Variants in UBE2H observed in about 807,000 individuals in gnomAD.
UBE2H encodes ubiquitin-conjugating enzyme E2 H.
In UBE2H, 3 loss-of-function variants were observed where a neutral mutation model predicts 29.0. That is an observed-to-expected ratio of 0.10 (90% CI 0.05 to 0.27). UBE2H has a LOEUF of 0.27. UBE2H is among the 10% of genes least tolerant of loss of function. The pLI is 1.00. For synonymous variants in UBE2H, 69 were observed against 82.9 expected (o/e 0.83, Z 0.91); for missense variants, 68 against 228.2 (o/e 0.30, Z 4.52).
At chr7:129,843,778 A>G (rs1284561199) in intron 5 of UBE2H, among the ~76,000 whole-genome samples, 2 of 152,132 alleles carry the variant, frequency 1.3e-5, no homozygotes, top group Non-Finnish European at 2.9e-5. Flanking sequence ...ACACCTGCAC[A>G]CAGCGAACGG....
intron 1 of UBE2H, chr7:129,949,190 C>T: frequency 3.0e-6 from 1 of 331,206 alleles, no homozygotes; most frequent in South Asian, 2.3e-5. Context: ...GTAATCTGAG[C>T]TGTTTGTTCC....
intron 1 of UBE2H, among the ~76,000 whole-genome samples, chr7:129,907,217 C>A (rs1806836457): frequency 6.6e-6 from 1 of 151,962 alleles, no homozygotes; most frequent in African/African-American, 2.4e-5. Context: ...TGGGTAAGAT[C>A]AAATGACTCC....
intron 1 of UBE2H, among the ~76,000 whole-genome samples, chr7:129,945,259 T>G (rs1807739912): frequency 6.6e-6 from 1 of 152,222 alleles, no homozygotes; most frequent in Admixed American, 6.5e-5. Flanking sequence ...GTTAACTGTA[T>G]GTCAATTATA....
chr7:129,867,400 G>A (rs528056005), intron 3 of UBE2H, among the ~76,000 whole-genome samples: 39 of 140,634 alleles, frequency 2.8e-4, no homozygotes, highest in Middle Eastern at 3.5e-3. Flanking sequence ...TCCTTTGTAG[G>A]GACATGGATG....
chr7:129,849,061 TAA>T (rs1805562489), intron 5 of UBE2H, among the ~76,000 whole-genome samples: 2 of 152,020 alleles, frequency 1.3e-5, no homozygotes, highest in African/African-American at 4.8e-5. Flanking sequence ...CTGTAAACAT[TAA>T]AAGACAGTGA....
intron 1 of UBE2H, among the ~76,000 whole-genome samples, chr7:129,925,076 A>T (rs1274582415): frequency 6.6e-6 from 1 of 152,176 alleles, no homozygotes; most frequent in Non-Finnish European, 1.5e-5. Context: ...ATGGCCAGGC[A>T]CGGTGGTTCA....
intron 1 of UBE2H, among the ~76,000 whole-genome samples, chr7:129,893,878 G>T (rs530244697): frequency 6.6e-6 from 1 of 152,194 alleles, no homozygotes; most frequent in Non-Finnish European, 1.5e-5. Flanking sequence ...CTACTTTTGG[G>T]CCTGGCACAG....
intron 1 of UBE2H, among the ~76,000 whole-genome samples, chr7:129,932,878 A>G (rs1441672920): frequency 1.3e-5 from 2 of 151,900 alleles, no homozygotes; most frequent in Non-Finnish European, 2.9e-5. Context: ...ATTACTATGA[A>G]AAGTTCTGAC....
chr7:129,879,511 AT>A, intron 3 of UBE2H, 56 bp downstream of exon 3: 1 of 1,512,264 alleles, frequency 6.6e-7, no homozygotes, highest in Non-Finnish European at 9.1e-7. Flanking sequence ...GAAATGTAAG[AT>A]TTTTCCCCCT....
At chr7:129,912,930 A>G (rs571671749) in intron 1 of UBE2H, among the ~76,000 whole-genome samples, 49 of 152,322 alleles carry the variant, frequency 3.2e-4, no homozygotes, top group African/African-American at 1.0e-3. Flanking sequence ...ATTTCCAATA[A>G]AAGTCAAGGT....
chr7:129,893,204 AT>A (rs1331366763), intron 1 of UBE2H, among the ~76,000 whole-genome samples: 16 of 152,138 alleles, frequency 1.1e-4, no homozygotes, highest in Non-Finnish European at 7.4e-5. Context: ...AGGAGAGGAA[AT>A]TTTTCTTCTC....
chr7:129,936,343 C>T (rs553635932), intron 1 of UBE2H, among the ~76,000 whole-genome samples: 169 of 152,230 alleles, frequency 1.1e-3, no homozygotes, highest in African/African-American at 3.8e-3. Context: ...GCCTGTAATC[C>T]CAGTACTTTG....
At chr7:129,904,869 T>C (rs1806784348) in intron 1 of UBE2H, among the ~76,000 whole-genome samples, 1 of 152,184 alleles carries the variant, frequency 6.6e-6, no homozygotes, top group African/African-American at 2.4e-5. Context: ...AGAGGCACAC[T>C]GAAGGTGCTC....
At chr7:129,938,391 C>A (rs562361949) in intron 1 of UBE2H, among the ~76,000 whole-genome samples, 3 of 107,614 alleles carry the variant, frequency 2.8e-5, no homozygotes, top group Admixed American at 3.1e-4. Context: ...GCGTGGGCAA[C>A]AGAGAGAGAG....
chr7:129,918,507 G>A (rs989937359), intron 1 of UBE2H, among the ~76,000 whole-genome samples: 1 of 152,064 alleles, frequency 6.6e-6, no homozygotes, highest in Non-Finnish European at 1.5e-5. Flanking sequence ...ACAGGCATGT[G>A]CCACCACACC....
At chr7:129,910,211 C>T (rs911911125) in intron 1 of UBE2H, among the ~76,000 whole-genome samples, 1 of 152,038 alleles carries the variant, frequency 6.6e-6, no homozygotes, top group Admixed American at 6.6e-5. Context: ...CACCTGTAAT[C>T]CCAGCTACTC....
intron 1 of UBE2H, among the ~76,000 whole-genome samples, chr7:129,902,783 C>T (rs531722624): frequency 3.9e-5 from 6 of 152,320 alleles, no homozygotes; most frequent in Admixed American, 1.3e-4. Flanking sequence ...TGCCTCCCCC[C>T]ACCATTTACA....
Position 129,934,422 on chromosome 7 carries a change from G to A in UBE2H, c.53+18081C>T, listed in dbSNP as rs1807475714. ...GGAGGCCAAGGCGGGTGGATCACCTGAGGTCAGGAGTTCAAGACCAGCCTG... is the reference window on the plus strand; with the variant it reads ...GGAGGCCAAGGCGGGTGGATCACCTAAGGTCAGGAGTTCAAGACCAGCCTG... On this transcript the variant is annotated intron_variant, in intron 1 of 6. Coordinates refer to ENST00000355621, the MANE Select transcript of UBE2H (RefSeq NM_003344.4). Among the ~76,000 whole-genome samples, 7 of 152,086 alleles carry A rather than the reference G, an allele frequency of 4.6e-5. No homozygotes were observed. The South Asian group carries it at 1.2e-3, about 27-fold the overall frequency.
At chr7:129,894,613 G>A (rs1344427575) in intron 1 of UBE2H, among the ~76,000 whole-genome samples, 1 of 150,212 alleles carries the variant, frequency 6.7e-6, no homozygotes, top group Non-Finnish European at 1.5e-5. Flanking sequence ...TCAGCCTCCC[G>A]AGTAGCTGGG....
Sources: gnomAD v4.1 joint callset for allele counts (sites outside exome capture counted in the v4.1 genomes callset) on GRCh38, gnomAD v4.1.1 for gene constraint, MANE v1.5 for transcripts, NCBI Gene and HGNC (gene_info 2026-07-23, HGNC 2026-07-21) for gene names.